The following MYO15A variants were observed in gnomAD, a reference collection of about 807,000 sequenced individuals.
MYO15A encodes the protein myosin XVA.
A neutral mutation model predicts 394.6 loss-of-function variants in MYO15A; 308 were observed. That is an observed-to-expected ratio of 0.78 (90% confidence interval 0.71 to 0.86). MYO15A has a LOEUF of 0.86. Among genes scored for constraint, MYO15A ranks in the 40% least tolerant of loss-of-function variants. The pLI is 0.00. For missense variants in MYO15A, 4,606 were observed against 4,799.1 expected (o/e 0.96, Z 1.19); for synonymous variants, 1,957 against 2,003.8 (o/e 0.98, Z 0.62).
chr17:18,173,805 A>C lies in MYO15A; in HGVS notation c.10375A>C (p.Lys3459Gln), dbSNP rs757434743. 2 of 1,613,894 alleles carry C rather than the reference A, an allele frequency of 1.2e-6. No individual in the cohort carries two copies. The highest frequency in any genetic ancestry group is 2.7e-5 in the African/African-American group (2 of 74,950). Residue 3459 changes from lysine to glutamine, a missense_variant, in exon 65 of 66, where the codon AAG becomes CAG. Lys to Gln is a moderately conservative substitution (Grantham distance 53). Transcript: ENST00000647165. ...GGAATTGATGGTGAAGTTCCCCCTG[A>C]AGGAGATCCAGTCGACGCGGACCCA... ...THELMVKFPLKEIQSTRTQRP... is the reference protein window; with the variant it reads ...THELMVKFPLQEIQSTRTQRP...
rs1414965896 is a variant in MYO15A at position 18,138,908 on chromosome 17, A to G, written c.5105A>G (p.Lys1702Arg). Reference sequence around the variant, plus strand: ...ATGCCGCTGCCTGAGTTCACCATCAAGCACTATGCAGGCAAGGTCACCTAC... The same window carrying G: ...ATGCCGCTGCCTGAGTTCACCATCAGGCACTATGCAGGCAAGGTCACCTAC... ...PKMPLPEFTI[K>R]HYAGKVTYQV... The change falls in exon 18 of 66, where the codon AAG becomes AGG. Residue 1702 changes from lysine (K) to arginine (R), a missense_variant. Transcript: ENST00000647165. 1 of 1,613,052 alleles carries G rather than the reference A, an allele frequency of 6.2e-7. No individual in the cohort carries two copies. Among genetic ancestry groups the G allele is most frequent in the Non-Finnish European group, 8.5e-7 (1 of 1,179,530 alleles).
At chr17:18,155,064 C>T in intron 45 of MYO15A, 46 bp from the exon 46 acceptor site, 1 of 1,559,230 alleles carries the variant, frequency 6.4e-7, no homozygotes, top group African/African-American at 1.4e-5. Context: ...ATGGGGGTTG[C>T]CAGGGGAGTG....
Position 18,158,550 on chromosome 17 carries a change from G to A in MYO15A, c.8995G>A (p.Asp2999Asn). ...TCCCCCAGTCAGGGCCCGCTCTGCT[G>A]ACCATGGGGAGGACGCCCTGGCGCT... ...EGPPVRARSADHGEDALALPP... is the reference protein window; with the variant it reads ...EGPPVRARSANHGEDALALPP... The change falls in exon 52 of 66, where the codon GAC (aspartate) becomes AAC (asparagine). Residue 2999 changes from aspartate (D) to asparagine (N), a missense_variant. This residue lies in a region of MYO15A where 2,776 missense variants were observed against 3,109.3 expected (regional missense o/e 0.89). Coordinates refer to ENST00000647165, the MANE Select transcript of MYO15A (RefSeq NM_016239.4). The A allele has an allele frequency of 6.2e-7, 1 of 1,614,160 alleles. No homozygotes were observed. Among genetic ancestry groups the A allele is most frequent in the Non-Finnish European group, 8.5e-7 (1 of 1,180,014 alleles).
In MYO15A at chr17:18,149,568, C is replaced by T; in HGVS notation, c.7200C>T (p.Ser2400=). ...ATAGCCTCTTTGACCCTGTGCTGTCCTACGGGGATGCGGTAGGGATGGTGT... is the reference window on the plus strand; with the variant it reads ...ATAGCCTCTTTGACCCTGTGCTGTCTTACGGGGATGCGGTAGGGATGGTGT... ...YLDSLFDPVL[S]YGDADLEKPT... Residue 2400 remains serine (S), a synonymous_variant, in exon 35 of 66, where the codon TCC becomes TCT. Transcript: ENST00000647165. 6.2e-7 allele frequency: 1 copy of T among 1,614,108 alleles called. No individual in the cohort carries two copies. Among genetic ancestry groups the T allele is most frequent in the Non-Finnish European group, 8.5e-7 (1 of 1,179,982 alleles).
rs2045905043 is a variant in MYO15A at position 18,120,730 on chromosome 17, C to T, written c.1930C>T (p.Pro644Ser). ...RARSSNDARRPPAPQPAPRTL... is the reference protein window; with the variant it reads ...RARSSNDARRSPAPQPAPRTL... ...TCGCAGCAGCAACGACGCGCGCCGC[C>T]CGCCCGCGCCACAGCCCGCGCCCAG... is the stretch of plus-strand genomic sequence containing the variant. The change falls in exon 2 of 66, where the codon CCG becomes TCG. Residue 644 changes from proline (P) to serine (S), a missense_variant. Around this residue, in one of 2 missense-constraint regions of MYO15A, gnomAD observed 1,830 missense variants for 1,689.7 expected, o/e 1.08. Coordinates refer to ENST00000647165, the MANE Select transcript of MYO15A (RefSeq NM_016239.4). 6 of 1,476,300 alleles carry T rather than the reference C, an allele frequency of 4.1e-6. No individual in the cohort carries two copies. Among genetic ancestry groups the T allele is most frequent in the Non-Finnish European group, 5.3e-6 (6 of 1,124,368 alleles). 91.5% of individuals were successfully genotyped at this position (1,476,300 alleles called of 1,614,324 possible).
chr17:18,121,077 G>C lies in MYO15A; in HGVS notation c.2277G>C (p.Gly759=). ...GAGGGGCGGCTTTCGGCTTCCCCGGGGCCTCTCCACGGGCGTCGCGGAGGC... is the reference window on the plus strand; with the variant it reads ...GAGGGGCGGCTTTCGGCTTCCCCGGCGCCTCTCCACGGGCGTCGCGGAGGC... ...RRRGAAFGFP[G]ASPRASRRRA... Residue 759 remains glycine (G), a synonymous_variant, in exon 2 of 66, where the codon GGG becomes GGC. Coordinates refer to ENST00000647165, the MANE Select transcript of MYO15A (RefSeq NM_016239.4). This position sits in a 1 kb window ranked among gnomAD's most constrained non-coding sequence, Gnocchi z 5.3. 2 of 1,506,200 alleles carry C rather than the reference G, an allele frequency of 1.3e-6. No individual in the cohort carries two copies. Among genetic ancestry groups the C allele is most frequent in the Non-Finnish European group, 1.8e-6 (2 of 1,132,162 alleles). 93.3% of individuals were successfully genotyped at this position (1,506,200 alleles called of 1,614,324 possible).
chr17:18,137,551 G>A (rs746238604), intron 15 of MYO15A, 33 bp from the exon 16 acceptor site: 10 of 1,602,926 alleles, frequency 6.2e-6, no homozygotes, highest in Non-Finnish European at 8.5e-6. Flanking sequence ...GGCCAAGGAA[G>A]GACCAGTCCC....
rs1297486475 is a variant in MYO15A, at chr17:18,121,035, C to T, written c.2235C>T (p.Phe745=). 1 of 1,509,992 alleles carries T rather than the reference C, an allele frequency of 6.6e-7. No homozygotes were observed. The highest frequency in any genetic ancestry group is 8.8e-7 in the Non-Finnish European group (1 of 1,133,878). 93.5% of individuals were successfully genotyped at this position (1,509,992 alleles called of 1,614,324 possible). The change falls in exon 2 of 66, where the codon TTC becomes TTT. Residue 745 remains phenylalanine, a synonymous_variant. Transcript: ENST00000647165. The surrounding 1 kb of genome is among the most constrained non-coding windows in gnomAD (Gnocchi z 5.3). ...CCTTCCCAGGGCCCCGACCCTCGTT[C>T]AGGGGCTCCCGCCGGAGAGGGGCGG... ...LLAFPGPRPS[F]RGSRRRGAAF... is the part of the protein sequence containing the mutation.
intron 1 of MYO15A, among the ~76,000 whole-genome samples, chr17:18,114,693 C>T (rs980727713): frequency 6.6e-6 from 1 of 152,214 alleles, no homozygotes; most frequent in Non-Finnish European, 1.5e-5. Context: ...TCTTGACTAA[C>T]ATGCTCATCT....
At chr17:18,133,703 C>T (rs552197424) in intron 12 of MYO15A, among the ~76,000 whole-genome samples, 89 of 151,990 alleles carry the variant, frequency 5.9e-4, no homozygotes, top group African/African-American at 2.1e-3. Flanking sequence ...AGTGCAATGG[C>T]GCAGTCTTGG....
intron 12 of MYO15A, among the ~76,000 whole-genome samples, chr17:18,134,754 A>C (rs2046233504): frequency 6.6e-6 from 1 of 152,248 alleles, no homozygotes; most frequent in Non-Finnish European, 1.5e-5. Context: ...AAAGAAAAAT[A>C]CATCTTTGTC....
Position 18,126,417 on chromosome 17 carries a change from T to C in MYO15A, c.3827T>C (p.Val1276Ala). 1.2e-6 allele frequency: 2 copies of C among 1,613,734 alleles called. No homozygotes were observed. Among genetic ancestry groups the C allele is most frequent in the South Asian group, 1.1e-5 (1 of 91,076 alleles). ...QMFGIYGPEQ[V>A]QQYNGRALGE... ...TTTGGAATCTATGGGCCGGAGCAGG[T>C]GCAGCAGTACAACGGACGGGCCCTG... The change falls in exon 5 of 66, where the codon GTG becomes GCG. Residue 1276 changes from valine (V) to alanine (A), a missense_variant. By Grantham distance (64) the Val-to-Ala change is moderately conservative. This residue lies in a region of MYO15A where 2,776 missense variants were observed against 3,109.3 expected (regional missense o/e 0.89). Transcript: ENST00000647165.
chr17:18,120,476 C>G lies in MYO15A; in HGVS notation c.1676C>G (p.Pro559Arg). 1 of 1,574,612 alleles carries G rather than the reference C, an allele frequency of 6.4e-7. No homozygotes were observed. The highest frequency in any genetic ancestry group is 8.6e-7 in the Non-Finnish European group (1 of 1,163,934). ...GCCCACCGGGGCCTGGGCTTCGGCC[C>G]TGAGTTTGGCCGCCCCGTGCCTCGC... ...FGAHRGLGFG[P>R]EFGRPVPRPA... The change falls in exon 2 of 66, where the codon CCT becomes CGT. Residue 559 changes from proline (P) to arginine (R), a missense_variant. By Grantham distance (103) the Pro-to-Arg change is moderately radical. Transcript: ENST00000647165.
intron 4 of MYO15A, 118 bp downstream of exon 4, chr17:18,125,349 A>G: frequency 1.0e-6 from 1 of 992,252 alleles, no homozygotes; most frequent in South Asian, 1.3e-5. Context: ...CTCTGCCTAG[A>G]ATGCCAGAGC....
At position 18,121,743 on chromosome 17, in the gene MYO15A, A is replaced by G. The variant is rs985456505; in HGVS notation, c.2943A>G (p.Pro981=). The G allele has an allele frequency of 6.9e-6, 11 of 1,601,472 alleles. No individual in the cohort carries two copies. The change falls in exon 2 of 66, where the codon CCA becomes CCG. Residue 981 remains proline (P), a synonymous_variant. Transcript: ENST00000647165. This position sits in a 1 kb window ranked among gnomAD's most constrained non-coding sequence, Gnocchi z 5.3. ...CCCCCACCCTCCAGCCTGAGGATCCAGCTGCTGATATGACCAGGGTCTTCC... is the reference window on the plus strand; with the variant it reads ...CCCCCACCCTCCAGCCTGAGGATCCGGCTGCTGATATGACCAGGGTCTTCC... ...VPSPTLQPED[P]AADMTRVFLG... is the part of the protein sequence containing the mutation.
At chr17:18,149,727 A>T (rs1319654911) in intron 35 of MYO15A, 147 bp downstream of exon 35, 1 of 816,666 alleles carries the variant, frequency 1.2e-6, no homozygotes, top group Non-Finnish European at 2.0e-6. Flanking sequence ...TGGAGGCTGG[A>T]CAAAGGATGA....
Position 18,150,923 on chromosome 17 carries a change from G to T in MYO15A, c.7473+10G>T, listed in dbSNP as rs181355572. On this transcript the variant is annotated intron_variant, in intron 38 of 65. Coordinates refer to ENST00000647165, the MANE Select transcript of MYO15A (RefSeq NM_016239.4). This position sits in a 1 kb window ranked among gnomAD's most constrained non-coding sequence, Gnocchi z 4.4. ...ATCCTTGCCCGCAGAGGTGAGCCTG[G>T]CCTGCCCAGGGTGCAGGGGTTGCTT... The T allele has an allele frequency of 7.9e-4, 1,261 of 1,605,494 alleles. No individual in the cohort carries two copies. Among genetic ancestry groups the T allele is most frequent in the Non-Finnish European group, 7.9e-4 (924 of 1,176,520 alleles).
intron 13 of MYO15A, 50 bp from the exon 14 acceptor site, chr17:18,136,367 G>T: frequency 6.2e-7 from 1 of 1,609,962 alleles, no homozygotes. Flanking sequence ...GGGCTTTCCG[G>T]AGGCAGAGTG....
At chr17:18,124,648 T>C in intron 3 of MYO15A, 83 bp downstream of exon 3, 2 of 1,319,208 alleles carry the variant, frequency 1.5e-6, no homozygotes, top group South Asian at 2.5e-5. Context: ...CTCCTGCAGT[T>C]GCCTCTCACC....
Sources: allele counts gnomAD v4.1 joint callset (sites outside exome capture counted in the v4.1 genomes callset), GRCh38; gene constraint gnomAD v4.1.1; regional missense constraint gnomAD v4.1.1; non-coding constraint Gnocchi (gnomAD v3.1); transcripts MANE v1.5; gene names NCBI Gene and HGNC (gene_info 2026-07-23, HGNC 2026-07-21).